Variants in ARMC2 observed in about 807,000 individuals in gnomAD.
The protein encoded by ARMC2 is armadillo repeat containing 2, also known as armadillo repeat-containing protein 2.
A neutral mutation model predicts 90.3 loss-of-function variants in ARMC2; 67 were observed. The ratio of observed to expected loss-of-function variants is 0.74; its 90% CI spans 0.61 to 0.91. The LOEUF is 0.91. Ranked by LOEUF, ARMC2 falls within the 40% of genes least tolerant of loss-of-function variation. ARMC2 has a pLI of 0.00. For missense variants in ARMC2, 920 were observed against 1,030.9 expected (o/e 0.89, Z 1.47); for synonymous variants, 393 against 393.0 (o/e 1.00, Z 0.00).
the ARMC2 span, among the ~76,000 whole-genome samples, chr6:108,986,155 C>T: frequency 6.6e-6 from 1 of 152,196 alleles, no homozygotes; most frequent in Non-Finnish European, 1.5e-5. Context: ...TCTGTAGTCT[C>T]TCCCTAATGA....
At chr6:108,871,068 G>A (rs1002548648) in intron 4 of ARMC2, among the ~76,000 whole-genome samples, 19 of 152,176 alleles carry the variant, frequency 1.2e-4, no homozygotes, top group African/African-American at 4.6e-4. Flanking sequence ...AGGCAGCCAT[G>A]TAAAAATCCA....
At chr6:108,961,847 A>G (rs1778021961) in intron 14 of ARMC2, among the ~76,000 whole-genome samples, 153 bp downstream of exon 14, 1 of 152,200 alleles carries the variant, frequency 6.6e-6, no homozygotes, top group African/African-American at 2.4e-5. Context: ...AATATGGGGA[A>G]ACTAGAAATG....
the ARMC2 span, chr6:109,001,211 T>C: frequency 1.7e-6 from 2 of 1,177,348 alleles, no homozygotes; most frequent in South Asian, 2.8e-5. Flanking sequence ...TTTATCCCTG[T>C]GTTTAAAGCA....
chr6:108,933,264 C>T (rs1775723680), intron 11 of ARMC2, among the ~76,000 whole-genome samples: 1 of 152,070 alleles, frequency 6.6e-6, no homozygotes, highest in African/African-American at 2.4e-5. Flanking sequence ...TTGTAATTCT[C>T]ATTGTAGAGA....
the ARMC2 span, among the ~76,000 whole-genome samples, chr6:109,047,254 T>C: frequency 1.0e-3 from 30 of 29,174 alleles, no homozygotes; most frequent in South Asian, 2.1e-3. Context: ...CCGCCCCGTC[T>C]GGGAGGTGAG....
intron 10 of ARMC2, among the ~76,000 whole-genome samples, chr6:108,919,353 G>T (rs1774311475): frequency 6.6e-6 from 1 of 152,000 alleles, no homozygotes; most frequent in South Asian, 2.1e-4. Context: ...TATCTTGCGC[G>T]ACCCCACCTA....
chr6:108,924,272 C>A (rs996837694), intron 10 of ARMC2, among the ~76,000 whole-genome samples: 1 of 152,058 alleles, frequency 6.6e-6, no homozygotes, highest in Non-Finnish European at 1.5e-5. Flanking sequence ...GATCCCAGCA[C>A]TTTGGGAGGC....
intron 4 of ARMC2, among the ~76,000 whole-genome samples, chr6:108,869,797 C>G (rs1776204826): frequency 6.6e-6 from 1 of 151,958 alleles, no homozygotes; most frequent in African/African-American, 2.4e-5. Context: ...CTGAGGAGTC[C>G]CACCAACAAT....
the ARMC2 span, among the ~76,000 whole-genome samples, chr6:108,987,877 A>G: frequency 6.9e-6 from 1 of 145,056 alleles, no homozygotes; most frequent in Non-Finnish European, 1.5e-5. Flanking sequence ...ATCTTGGCTC[A>G]CTACAACCTC....
At chr6:109,035,013 T>G in the ARMC2 span, among the ~76,000 whole-genome samples, 1 of 152,230 alleles carries the variant, frequency 6.6e-6, no homozygotes, top group Admixed American at 6.5e-5. Context: ...TCAATTTCAC[T>G]TATTTTCTTA....
chr6:109,049,244 T>A, the ARMC2 span, among the ~76,000 whole-genome samples: 1 of 152,096 alleles, frequency 6.6e-6, no homozygotes, highest in Non-Finnish European at 1.5e-5. Flanking sequence ...TGGATGGAAC[T>A]GAATTTATGA....
At chr6:108,896,511 G>A (rs1189509368) in intron 6 of ARMC2, among the ~76,000 whole-genome samples, 3 of 152,182 alleles carry the variant, frequency 2.0e-5, no homozygotes, top group Non-Finnish European at 4.4e-5. Flanking sequence ...GAGGCCCAGC[G>A]TGAATGAAGA....
chr6:109,019,662 T>A, the ARMC2 span, among the ~76,000 whole-genome samples: 3 of 152,324 alleles, frequency 2.0e-5, no homozygotes, highest in African/African-American at 7.2e-5. Flanking sequence ...AAATTTGACC[T>A]AATAACTATT....
At chr6:109,032,843 C>A in the ARMC2 span, among the ~76,000 whole-genome samples, 1 of 151,980 alleles carries the variant, frequency 6.6e-6, no homozygotes, top group Non-Finnish European at 1.5e-5. Flanking sequence ...TGCTTGAGGA[C>A]AATAGGCTGT....
intron 5 of ARMC2, among the ~76,000 whole-genome samples, chr6:108,890,177 G>A (rs577262877): frequency 3.9e-5 from 4 of 102,642 alleles, no homozygotes; most frequent in Non-Finnish European, 7.2e-5. Flanking sequence ...GTGACAGAGC[G>A]AGACTCCGTC....
At chr6:108,876,415 A>G in intron 5 of ARMC2, 65 bp downstream of exon 5, 1 of 1,478,878 alleles carries the variant, frequency 6.8e-7, no homozygotes, top group Non-Finnish European at 9.2e-7. Context: ...TTTCTTCTCT[A>G]TTTTATATAG....
At chr6:108,866,761 T>G (rs1775862160) in intron 3 of ARMC2, among the ~76,000 whole-genome samples, 1 of 152,222 alleles carries the variant, frequency 6.6e-6, no homozygotes, top group South Asian at 2.1e-4. Context: ...TTTTATTTAC[T>G]GTTTTTTTCT....
At chr6:109,001,297 A>G in the ARMC2 span, 24 of 1,613,298 alleles carry the variant, frequency 1.5e-5, no homozygotes, top group Middle Eastern at 1.6e-4. Context: ...CCATTATTCC[A>G]ATGTAGTGAC....
intron 12 of ARMC2, among the ~76,000 whole-genome samples, chr6:108,942,981 TTA>T (rs1248175487): frequency 6.6e-6 from 1 of 152,190 alleles, no homozygotes; most frequent in Non-Finnish European, 1.5e-5. Flanking sequence ...TGAACTGATC[TTA>T]TCAGCGGATG....
Sources: allele counts gnomAD v4.1 joint callset (sites outside exome capture counted in the v4.1 genomes callset), GRCh38; gene constraint gnomAD v4.1.1; transcripts MANE v1.5; gene names NCBI Gene and HGNC (gene_info 2026-07-23, HGNC 2026-07-21).